CPNE9: variants seen among roughly 807,000 people sequenced by gnomAD.
CPNE9 encodes the protein copine family member 9, also known as copine-9.
Under a neutral mutation model 83.0 loss-of-function variants are expected in CPNE9, and 59 were observed. The observed-to-expected ratio is 0.71, with a 90% CI of 0.58 to 0.88. The LOEUF (loss-of-function observed/expected upper bound fraction) is 0.88. Among genes scored for constraint, CPNE9 ranks in the 40% least tolerant of loss-of-function variants. The pLI is 0.00. For synonymous variants in CPNE9, 256 were observed against 273.4 expected (o/e 0.94, Z 0.63); for missense variants, 619 against 720.8 (o/e 0.86, Z 1.62).
At chr3:9,728,572 G>A (rs746870667) in intron 20 of CPNE9, among the ~76,000 whole-genome samples, 24 of 152,074 alleles carry the variant, frequency 1.6e-4, no homozygotes, top group Non-Finnish European at 3.4e-4. Context: ...GCAGTGAGCC[G>A]AGATCGCACC....
chr3:9,704,113 C>T lies in CPNE9; in HGVS notation c.68+49C>T, dbSNP rs866758082. On this transcript the variant is annotated intron_variant, in intron 1 of 20. Transcript: ENST00000383832. This position sits in a 1 kb window ranked among gnomAD's most constrained non-coding sequence, Gnocchi z 7.1. ...GCTTAGGCACTGGCACTGCCCCAGC[C>T]CCAGCCAGCCGCGGGGCTCAGCCTG... 7 of 1,550,938 alleles carry T rather than the reference C, an allele frequency of 4.5e-6. No individual in the cohort carries two copies. The Middle Eastern group carries it at 1.0e-3, about 232-fold the overall frequency.
At position 9,729,806 on chromosome 3, in the gene CPNE9, T is replaced by A; in HGVS notation, c.*114T>A. 1.4e-6 allele frequency: 2 copies of A among 1,433,736 alleles called. No individual in the cohort carries two copies. Among genetic ancestry groups the A allele is most frequent in the Non-Finnish European group, 1.8e-6 (2 of 1,085,260 alleles). 88.8% of individuals were successfully genotyped at this position (1,433,736 alleles called of 1,614,324 possible). A position where few individuals can be genotyped will look rare whatever the true frequency, so the allele number is the denominator to read the frequency against. Reference sequence around the variant, plus strand: ...TCACTGGGAGGGCCAACTTGGAGGATCAGTGCTGGCTGACAAGCCCTCCGC... The same window carrying A: ...TCACTGGGAGGGCCAACTTGGAGGAACAGTGCTGGCTGACAAGCCCTCCGC... On this transcript the variant is annotated 3_prime_UTR_variant, in exon 21 of 21. Transcript: ENST00000383832.
Position 9,704,452 on chromosome 3 carries a change from C to A in CPNE9, c.69-135C>A. On this transcript the variant is annotated intron_variant, in intron 1 of 20. Transcript: ENST00000383832. This position sits in a 1 kb window ranked among gnomAD's most constrained non-coding sequence, Gnocchi z 7.1. The stretch of plus-strand genomic sequence containing the variant: ...TGTCCAGAGTGCTGACAGAGCGGAC[C>A]CCGGCTGGGGGTAGCCATGGGGGAC... 1.2e-6 allele frequency: 1 copy of A among 815,584 alleles called. No homozygotes were observed. Among genetic ancestry groups the A allele is most frequent in the Non-Finnish European group, 2.2e-6 (1 of 461,006 alleles). 50.5% of individuals were successfully genotyped at this position (815,584 alleles called of 1,614,324 possible). A position where few individuals can be genotyped will look rare whatever the true frequency, so the allele number is the denominator to read the frequency against.
Position 9,727,095 on chromosome 3 carries a change from G to A in CPNE9, c.1403-18G>A. 1 of 1,614,084 alleles carries A rather than the reference G, an allele frequency of 6.2e-7. No individual in the cohort carries two copies. On this transcript the variant is annotated intron_variant, in intron 19 of 20. Coordinates refer to ENST00000383832, the MANE Select transcript of CPNE9 (RefSeq NM_153635.3). ...GGCTGGAGAGGCCAATCAGCTGAGG[G>A]GTGTGTCTTTTCTGCAGCAATGGAA...
In CPNE9 at chr3:9,704,467, C is replaced by T; in HGVS notation, c.69-120C>T. On this transcript the variant is annotated intron_variant, in intron 1 of 20. Transcript: ENST00000383832. This position sits in a 1 kb window ranked among gnomAD's most constrained non-coding sequence, Gnocchi z 7.1. ...CAGAGCGGACCCCGGCTGGGGGTAG[C>T]CATGGGGGACAGAGGTTCGATGCGG... The T allele has an allele frequency of 1.2e-6, 1 of 867,882 alleles. No homozygotes were observed. Among genetic ancestry groups the T allele is most frequent in the African/African-American group, 1.6e-5 (1 of 60,718 alleles). The allele number at this position is 867,882 out of a possible 1,614,324, so 53.8% of individuals were successfully genotyped here. A position where few individuals can be genotyped will look rare whatever the true frequency, so the allele number is the denominator to read the frequency against.
At chr3:9,712,461 C>T (rs2076639214) in intron 7 of CPNE9, 80 bp from the exon 8 acceptor site, 1 of 1,126,098 alleles carries the variant, frequency 8.9e-7, no homozygotes, top group South Asian at 1.2e-5. Flanking sequence ...AATCCCCTGG[C>T]CCACCTAACC....
At chr3:9,705,412 C>CAACCAAA in intron 4 of CPNE9, 52 bp from the exon 5 acceptor site, 1 of 861,356 alleles carries the variant, frequency 1.2e-6, no homozygotes, top group Non-Finnish European at 1.9e-6. Context: ...GACCCCTTTC[C>CAACCAAA]ACCCTCTCCC....
At chr3:9,727,654 A>C (rs1257092320) in intron 20 of CPNE9, among the ~76,000 whole-genome samples, 1 of 152,186 alleles carries the variant, frequency 6.6e-6, no homozygotes, top group Non-Finnish European at 1.5e-5. Context: ...ATCCACGAAA[A>C]AGCAGAAGCT....
intron 4 of CPNE9, 143 bp downstream of exon 4, chr3:9,705,137 G>A (rs2076549128): frequency 1.4e-6 from 1 of 690,360 alleles, no homozygotes; most frequent in Non-Finnish European, 2.6e-6. Context: ...CCTCTAGCCT[G>A]AGCCCTGCCC....
intron 17 of CPNE9, among the ~76,000 whole-genome samples, chr3:9,719,820 CGT>C (rs2076718703): frequency 6.6e-6 from 1 of 151,668 alleles, no homozygotes; most frequent in Non-Finnish European, 1.5e-5. Context: ...GGTGAAACCC[CGT>C]CTCTACTGAA....
At chr3:9,705,070 C>CCGCCT in intron 4 of CPNE9, 76 bp downstream of exon 4, 1 of 1,086,518 alleles carries the variant, frequency 9.2e-7, no homozygotes, top group Non-Finnish European at 1.4e-6. Context: ...GGCCCCACCC[C>CCGCCT]CGCCTCGCCT....
In CPNE9 at chr3:9,712,888, G is replaced by T. The variant is rs143275352; in HGVS notation, c.545+60G>T. The T allele has an allele frequency of 1.9e-5, 29 of 1,560,736 alleles. No homozygotes were observed. In the African/African-American group the frequency reaches 3.7e-4, roughly 20 times the overall value. ...TGGGCCATGTGCTTAACAAGTGGGG[G>T]AATCTCAGGAATCTCTGAGAGCATC... On this transcript the variant is annotated intron_variant, in intron 9 of 20. Transcript: ENST00000383832.
chr3:9,704,881 C>A lies in CPNE9; in HGVS notation c.157-10C>A. 6 of 1,610,804 alleles carry A rather than the reference C, an allele frequency of 3.7e-6. No homozygotes were observed. Among genetic ancestry groups the A allele is most frequent in the Non-Finnish European group, 5.1e-6 (6 of 1,177,928 alleles). On this transcript the variant is annotated splice_polypyrimidine_tract_variant and intron_variant, in intron 3 of 20. Transcript: ENST00000383832. The surrounding 1 kb of genome is among the most constrained non-coding windows in gnomAD (Gnocchi z 7.1). ...CACGTCCCACGCTGACCCTCCACCC[C>A]CCTACCCAGTTCGGACGGACCGAGG...
rs201517941 is a variant in CPNE9 at position 9,704,754 on chromosome 3, G to C, written c.115G>C (p.Val39Leu). 8,479 of 1,612,176 alleles carry C rather than the reference G, an allele frequency of 5.3e-3. 37 individuals carry two copies. Among genetic ancestry groups the C allele is most frequent in the Non-Finnish European group, 6.4e-3 (7,504 of 1,179,610 alleles). ...CTCCCCGCCCCCACCTGCAGTGGTG[G>C]TGCTTTACACGCAGAGCCGGGCCAG... is the stretch of plus-strand genomic sequence containing the variant. ...DTFSKSDPMV[V>L]LYTQSRASQE... is the part of the protein sequence containing the mutation. Residue 39 changes from valine to leucine, a missense_variant, in exon 3 of 21, where the codon GTG (valine) becomes CTG (leucine). Transcript: ENST00000383832. This position sits in a 1 kb window ranked among gnomAD's most constrained non-coding sequence, Gnocchi z 7.1.
At position 9,715,440 on chromosome 3, in the gene CPNE9, T is replaced by G. The variant is rs781241446; in HGVS notation, c.769-33T>G. 1.9e-6 allele frequency: 3 copies of G among 1,613,144 alleles called. No homozygotes were observed. In the African/African-American group the frequency reaches 4.0e-5, roughly 22 times the overall value. ...CTCAGTCTGGACCTCCCTTCCTTTG[T>G]TTCTCATCATCACTGTTACCTCCTC... is the stretch of plus-strand genomic sequence containing the variant. On this transcript the variant is annotated intron_variant, in intron 12 of 20. Coordinates refer to ENST00000383832, the MANE Select transcript of CPNE9 (RefSeq NM_153635.3).
rs1429304032 is a variant in CPNE9, at chr3:9,728,330, T to C, written c.1476+1144T>C. On this transcript the variant is annotated intron_variant, in intron 20 of 20. Transcript: ENST00000383832. ...TAGCAAGACCTGATCTCTGCTACAT[T>C]AAAAAAATAAAGGCCGGGCGCGGTG... 2.0e-5 allele frequency among the ~76,000 whole-genome samples: 3 copies of C among 151,926 alleles called. No individual in the cohort carries two copies. In the East Asian group the frequency reaches 5.8e-4, roughly 29 times the overall value.
rs557870515 is a variant in CPNE9 at position 9,713,155 on chromosome 3, A to C, written c.650+76A>C. ...GGTTCCTGGGCCCAAGAATGATAGT[A>C]GAAGTATCATAATAGCGTTGGAGGG... On this transcript the variant is annotated intron_variant, in intron 10 of 20. Transcript: ENST00000383832. The C allele has an allele frequency of 1.3e-5, 14 of 1,111,366 alleles. 1 individual carries two copies. The African/African-American group carries it at 2.2e-4, about 17-fold the overall frequency. The allele number at this position is 1,111,366 out of a possible 1,614,324, so 68.8% of individuals were successfully genotyped here. A position where few individuals can be genotyped will look rare whatever the true frequency, so the allele number is the denominator to read the frequency against.
chr3:9,727,402 C>T (rs574777156), intron 20 of CPNE9: 29 of 719,812 alleles, frequency 4.0e-5, no homozygotes, highest in African/African-American at 3.5e-4. Context: ...TCCCCAAGGC[C>T]CCTGCCCTCT....
chr3:9,724,677 C>G (rs147672420), intron 17 of CPNE9, among the ~76,000 whole-genome samples: 1 of 152,308 alleles, frequency 6.6e-6, no homozygotes, highest in East Asian at 1.9e-4. Flanking sequence ...AACATCACTT[C>G]CTTAAAGAAA....
Sources: allele counts gnomAD v4.1 joint callset (sites outside exome capture counted in the v4.1 genomes callset), GRCh38; gene constraint gnomAD v4.1.1; non-coding constraint Gnocchi (gnomAD v3.1); transcripts MANE v1.5; gene names NCBI Gene and HGNC (gene_info 2026-07-23, HGNC 2026-07-21).